The following VWA3B variants were observed in gnomAD, a reference collection of about 807,000 sequenced individuals.
The protein encoded by VWA3B is von Willebrand factor A domain-containing protein 3B.
VWA3B carries 138 observed loss-of-function variants against 158.3 expected under a neutral mutation model. The ratio of observed to expected loss-of-function variants is 0.87; its 90% CI spans 0.76 to 1.00. The LOEUF (loss-of-function observed/expected upper bound fraction) is 1.00. Ranked by LOEUF, VWA3B falls within the 50% of genes least tolerant of loss-of-function variation. The pLI, the probability that VWA3B is intolerant of heterozygous loss-of-function variation, is 0.00. For missense variants in VWA3B, 1,555 were observed against 1,565.1 expected, an observed-to-expected ratio of 0.99 and a Z score of 0.11; for synonymous variants, 596 against 587.3, an observed-to-expected ratio of 1.01 and a Z score of -0.21.
chr2:98,306,764 T>C (rs2106009286), intron 26 of VWA3B, among the ~76,000 whole-genome samples: 1 of 152,352 alleles, frequency 6.6e-6, no homozygotes, highest in African/African-American at 2.4e-5. Flanking sequence ...TCCCCAGGCC[T>C]TATTTAAAGC....
chr2:98,267,021 A>G (rs1347857038), intron 21 of VWA3B, among the ~76,000 whole-genome samples: 5 of 151,592 alleles, frequency 3.3e-5, no homozygotes, highest in Non-Finnish European at 5.9e-5. Flanking sequence ...CTCTTTTCCT[A>G]ATTGAATACC....
intron 8 of VWA3B, among the ~76,000 whole-genome samples, chr2:98,175,296 A>C (rs1679917780): frequency 6.6e-6 from 1 of 152,230 alleles, no homozygotes; most frequent in Admixed American, 6.5e-5. Flanking sequence ...ACTACAGGAA[A>C]CTATGTCTAA....
At chr2:98,214,717 C>T (rs1317568613) in intron 13 of VWA3B, among the ~76,000 whole-genome samples, 1 of 152,182 alleles carries the variant, frequency 6.6e-6, no homozygotes, top group Non-Finnish European at 1.5e-5. Context: ...TCATTCTCTT[C>T]TAGGTTCCAT....
At chr2:98,302,014 G>A (rs991081657) in intron 25 of VWA3B, among the ~76,000 whole-genome samples, 33 of 151,998 alleles carry the variant, frequency 2.2e-4, no homozygotes, top group African/African-American at 5.8e-4. Context: ...CCTGATTGAC[G>A]TCTCCTGCCT....
chr2:98,147,841 C>A (rs1222883848), intron 7 of VWA3B, among the ~76,000 whole-genome samples: 1 of 151,482 alleles, frequency 6.6e-6, no homozygotes, highest in Non-Finnish European at 1.5e-5. Context: ...CTAATGCTAT[C>A]ACTCCCCCCT....
chr2:98,295,295 G>T (rs562743734), intron 23 of VWA3B, among the ~76,000 whole-genome samples: 2 of 152,092 alleles, frequency 1.3e-5, no homozygotes, highest in African/African-American at 2.4e-5. Flanking sequence ...AGAGCCAAAG[G>T]TTTAAAAAAA....
At chr2:98,200,497 G>T (rs1396680538) in intron 12 of VWA3B, among the ~76,000 whole-genome samples, 1 of 144,426 alleles carries the variant, frequency 6.9e-6, no homozygotes, top group Non-Finnish European at 1.5e-5. Context: ...GAGCTGAGAC[G>T]ACGCCACTGC....
downstream of VWA3B, among the ~76,000 whole-genome samples, chr2:98,317,722 T>TTGA (rs1283449473): frequency 6.6e-6 from 1 of 152,220 alleles, no homozygotes; most frequent in Non-Finnish European, 1.5e-5. Flanking sequence ...AGGTATTTAA[T>TTGA]TGATGTCTCA....
chr2:98,172,346 TCAGGGGCCTGCTGGC>T (rs70940112), intron 8 of VWA3B, among the ~76,000 whole-genome samples: 151,867 of 151,996 alleles, frequency 1, 75,869 homozygotes, highest in Middle Eastern at 1. Flanking sequence ...ATTCTGCTGG[TCAGGGGCCTGCTGGC>T]CAGGGGCCTG....
intron 3 of VWA3B, among the ~76,000 whole-genome samples, chr2:98,117,405 G>A (rs1674614237): frequency 6.6e-6 from 1 of 152,218 alleles, no homozygotes; most frequent in African/African-American, 2.4e-5. Flanking sequence ...TGGGCTGCAT[G>A]CTGTAACCCT....
chr2:98,276,429 C>T (rs1558753451), intron 22 of VWA3B, among the ~76,000 whole-genome samples: 1 of 152,200 alleles, frequency 6.6e-6, no homozygotes, highest in African/African-American at 2.4e-5. Flanking sequence ...AATACAGTCT[C>T]ATTTTAAATT....
chr2:98,139,688 G>A, intron 7 of VWA3B, among the ~76,000 whole-genome samples: 1 of 152,060 alleles, frequency 6.6e-6, no homozygotes, highest in East Asian at 1.9e-4. Context: ...AATCTAGTGG[G>A]GACGTGGAGA....
At chr2:98,302,041 C>T (rs988529352) in intron 25 of VWA3B, among the ~76,000 whole-genome samples, 1 of 152,210 alleles carries the variant, frequency 6.6e-6, no homozygotes, top group African/African-American at 2.4e-5. Flanking sequence ...AACCCACACA[C>T]ATGCTTCGTG....
Position 98,292,397 on chromosome 2 carries a change from T to C in VWA3B, c.3157+1775T>C, listed in dbSNP as rs74951763. Among the ~76,000 whole-genome samples, 983 of 152,068 alleles carry C rather than the reference T, an allele frequency of 6.5e-3. 8 individuals are homozygous for C. Among genetic ancestry groups the C allele is most frequent in the African/African-American group, 0.023 (938 of 41,528 alleles). Reference sequence around the variant, plus strand: ...ATTTTTGGTTTCCAGCGGGCACATATGTACAACTGACATCAGGGACAGGTT... The same window carrying C: ...ATTTTTGGTTTCCAGCGGGCACATACGTACAACTGACATCAGGGACAGGTT... On this transcript the variant is annotated intron_variant, in intron 23 of 27. Transcript: ENST00000477737.
chr2:98,321,605 T>C, the VWA3B span, among the ~76,000 whole-genome samples: 1 of 152,242 alleles, frequency 6.6e-6, no homozygotes, highest in African/African-American at 2.4e-5. Context: ...AAGATGTGAC[T>C]GCCCTAACTC....
chr2:98,125,098 C>G lies in VWA3B; in HGVS notation c.703-3141C>G, dbSNP rs1675255614. Among the ~76,000 whole-genome samples, 1 of 152,222 alleles carries G rather than the reference C, an allele frequency of 6.6e-6. No individual in the cohort carries two copies. On this transcript the variant is annotated intron_variant, in intron 5 of 27. Coordinates refer to ENST00000477737, the MANE Select transcript of VWA3B (RefSeq NM_144992.5). The surrounding 1 kb of genome is among the most constrained non-coding windows in gnomAD (Gnocchi z 4.1). ...TCCTGGACTGAAGGCTGCTACTGAGCCTCAGGACTGGACTTTGCCTTCAAG... is the reference window on the plus strand; with the variant it reads ...TCCTGGACTGAAGGCTGCTACTGAGGCTCAGGACTGGACTTTGCCTTCAAG...
At chr2:98,298,383 T>G (rs888115509) in intron 24 of VWA3B, among the ~76,000 whole-genome samples, 30 of 83,966 alleles carry the variant, frequency 3.6e-4, no homozygotes, top group African/African-American at 1.1e-3. Context: ...GATTCTATTC[T>G]ATTCTATTCT....
intron 13 of VWA3B, 108 bp downstream of exon 13, chr2:98,212,136 T>C: frequency 1.2e-6 from 1 of 863,330 alleles, no homozygotes; most frequent in African/African-American, 1.7e-5. Context: ...TCTGTGGACA[T>C]ATACTTCCTT....
rs1038481805 is a variant in VWA3B, at chr2:98,121,198, A to G, written c.543-101A>G. 2.7e-5 allele frequency: 38 copies of G among 1,400,690 alleles called. No individual in the cohort carries two copies. The Middle Eastern group carries it at 5.6e-4, about 21-fold the overall frequency. The allele number at this position is 1,400,690 out of a possible 1,614,324, so 86.8% of individuals were successfully genotyped here. A position where few individuals can be genotyped will look rare whatever the true frequency, so the allele number is the denominator to read the frequency against. ...ATTTCTTTCTTTTTCAGCTCTAGAG[A>G]TGGATGTTGGCAGCTTGCTGCTCAT... On this transcript the variant is annotated intron_variant, in intron 4 of 27. Coordinates refer to ENST00000477737, the MANE Select transcript of VWA3B (RefSeq NM_144992.5).
Sources: gnomAD v4.1 joint callset for allele counts (sites outside exome capture counted in the v4.1 genomes callset) on GRCh38, gnomAD v4.1.1 for gene constraint, Gnocchi (gnomAD v3.1) non-coding constraint, MANE v1.5 for transcripts, NCBI Gene and HGNC (gene_info 2026-07-23, HGNC 2026-07-21) for gene names.